MARCHF5: variants seen among roughly 807,000 people sequenced by gnomAD.
MARCHF5 encodes membrane associated ring-CH-type finger 5.
MARCHF5 carries 5 observed loss-of-function variants against 36.5 expected under a neutral mutation model. The observed-to-expected ratio is 0.14, with a 90% CI of 0.07 to 0.29. The LOEUF is 0.29. Ranked by LOEUF, MARCHF5 falls within the 10% of genes least tolerant of loss-of-function variation. The pLI, the probability that MARCHF5 is intolerant of heterozygous loss-of-function variation, is 1.00. For missense variants in MARCHF5, 179 were observed against 336.3 expected (o/e 0.53, Z 3.66); for synonymous variants, 103 against 109.9 (o/e 0.94, Z 0.39).
Position 92,310,129 on chromosome 10 carries a change from A to G in MARCHF5, c.36-1006A>G, listed in dbSNP as rs569800494. On this transcript the variant is annotated intron_variant, in intron 1 of 5. Transcript: ENST00000358935. ...GGACTGGAGAACCTCACCCATCTATAATACCTGAGTATATAGTCTTTCCCA... is the reference window on the plus strand; with the variant it reads ...GGACTGGAGAACCTCACCCATCTATGATACCTGAGTATATAGTCTTTCCCA... Among the ~76,000 whole-genome samples the G allele has an allele frequency of 2.6e-5, 4 of 152,298 alleles. No individual in the cohort carries two copies. In the South Asian group the frequency reaches 8.3e-4, roughly 32 times the overall value.
At chr10:92,332,326 G>A (rs1165465074) in intron 2 of MARCHF5, among the ~76,000 whole-genome samples, 3 of 151,984 alleles carry the variant, frequency 2.0e-5, no homozygotes, top group African/African-American at 7.2e-5. Flanking sequence ...TAAGTTTGCA[G>A]GATGTTTGTT....
Position 92,291,177 on chromosome 10 carries a change from G to A in MARCHF5, c.-318G>A. On this transcript the variant is annotated 5_prime_UTR_variant, in exon 1 of 6. Transcript: ENST00000358935. Reference sequence around the variant, plus strand: ...GAGGCGGCGACTCTTACCTCACAAAGGTAGCTCCTCCGCCGGCAGCAACTC... The same window carrying A: ...GAGGCGGCGACTCTTACCTCACAAAAGTAGCTCCTCCGCCGGCAGCAACTC... 1 of 480,200 alleles carries A rather than the reference G, an allele frequency of 2.1e-6. No homozygotes were observed. Among genetic ancestry groups the A allele is most frequent in the South Asian group, 2.5e-5 (1 of 40,794 alleles). 29.7% of individuals were successfully genotyped at this position (480,200 alleles called of 1,614,324 possible). A position where few individuals can be genotyped will look rare whatever the true frequency, so the allele number is the denominator to read the frequency against.
At chr10:92,347,360 C>G (rs1260693527) in intron 3 of MARCHF5, among the ~76,000 whole-genome samples, 13 of 152,058 alleles carry the variant, frequency 8.5e-5, no homozygotes, top group Admixed American at 8.5e-4. Context: ...TGCCATGTGC[C>G]TGTAATCCCA....
intron 3 of MARCHF5, 143 bp from the exon 4 acceptor site, chr10:92,349,206 A>G: frequency 1.6e-6 from 1 of 638,776 alleles, no homozygotes; most frequent in Non-Finnish European, 2.6e-6. Flanking sequence ...ATCAGGACTG[A>G]TAGCTTTCCA....
intron 2 of MARCHF5, among the ~76,000 whole-genome samples, chr10:92,329,073 A>G (rs975908267): frequency 6.6e-6 from 1 of 152,164 alleles, no homozygotes; most frequent in Admixed American, 6.5e-5. Context: ...TGTCACTCTA[A>G]TGTTTTCATT....
At chr10:92,327,093 A>G (rs1375462056) in intron 2 of MARCHF5, among the ~76,000 whole-genome samples, 1 of 152,112 alleles carries the variant, frequency 6.6e-6, no homozygotes, top group African/African-American at 2.4e-5. Context: ...AGGAACATCA[A>G]GGGAGAGGGA....
chr10:92,299,616 C>T (rs1842989268), intron 1 of MARCHF5, among the ~76,000 whole-genome samples: 1 of 152,104 alleles, frequency 6.6e-6, no homozygotes, highest in East Asian at 1.9e-4. Flanking sequence ...TATAGTGTAT[C>T]ACATTGTACT....
chr10:92,345,480 G>C (rs1293243600), intron 3 of MARCHF5, among the ~76,000 whole-genome samples: 1 of 152,098 alleles, frequency 6.6e-6, no homozygotes, highest in Non-Finnish European at 1.5e-5. Context: ...CTGGGCGACA[G>C]AGCAAGACTC....
At chr10:92,296,019 G>A (rs1041680931) in intron 1 of MARCHF5, among the ~76,000 whole-genome samples, 23 of 152,084 alleles carry the variant, frequency 1.5e-4, no homozygotes, top group African/African-American at 5.5e-4. Flanking sequence ...GGGATTACAG[G>A]CATGTGCCAC....
chr10:92,291,272 C>A lies in MARCHF5; in HGVS notation c.-223C>A. The A allele has an allele frequency of 1.8e-6, 1 of 541,966 alleles. No individual in the cohort carries two copies. The highest frequency in any genetic ancestry group is 3.2e-6 in the Non-Finnish European group (1 of 312,176). The allele number at this position is 541,966 out of a possible 1,614,324, so 33.6% of individuals were successfully genotyped here. A position where few individuals can be genotyped will look rare whatever the true frequency, so the allele number is the denominator to read the frequency against. On this transcript the variant is annotated 5_prime_UTR_variant, in exon 1 of 6. Transcript: ENST00000358935. ...AACCCGGGCCGCGATCGCCGCCTCC[C>A]CGCCTCAGGCTCCTCCTCCTCGCTC... is the stretch of plus-strand genomic sequence containing the variant.
chr10:92,305,553 T>C (rs1340848867), intron 1 of MARCHF5, among the ~76,000 whole-genome samples: 1 of 152,206 alleles, frequency 6.6e-6, no homozygotes, highest in African/African-American at 2.4e-5. Context: ...TTTCTGATTC[T>C]GTAGGTCTGG....
chr10:92,341,780 C>CT (rs71025395), intron 3 of MARCHF5, among the ~76,000 whole-genome samples: 3,525 of 77,446 alleles, frequency 0.046, 54 homozygotes, highest in African/African-American at 0.052. Flanking sequence ...AGTTTACATC[C>CT]TTTTTTTTTT....
In MARCHF5 at chr10:92,351,365, C is replaced by T. The variant is rs908159517; in HGVS notation, c.*158C>T. 5 of 491,000 alleles carry T rather than the reference C, an allele frequency of 1.0e-5. No individual in the cohort carries two copies. Among genetic ancestry groups the T allele is most frequent in the East Asian group, 3.4e-5 (1 of 29,702 alleles). The allele number at this position is 491,000 out of a possible 1,614,324, so 30.4% of individuals were successfully genotyped here. On this transcript the variant is annotated 3_prime_UTR_variant, in exon 6 of 6. Coordinates refer to ENST00000358935, the MANE Select transcript of MARCHF5 (RefSeq NM_017824.5). ...GCACTTAGGGCAGGGGAAATCATCT[C>T]GGTAATCATGGAACCTAAGGATGTG... is the stretch of plus-strand genomic sequence containing the variant.
At chr10:92,325,559 G>A (rs756527284) in intron 2 of MARCHF5, among the ~76,000 whole-genome samples, 1 of 152,002 alleles carries the variant, frequency 6.6e-6, no homozygotes, top group Non-Finnish European at 1.5e-5. Context: ...GTTTCTAATA[G>A]CAATTTTGTC....
chr10:92,331,379 C>T (rs1830577295), intron 2 of MARCHF5, among the ~76,000 whole-genome samples: 1 of 151,762 alleles, frequency 6.6e-6, no homozygotes, highest in African/African-American at 2.4e-5. Context: ...TTTAAAAAAA[C>T]AAACAAAACA....
At chr10:92,307,214 CGCGT>C (rs1554946711) in intron 1 of MARCHF5, among the ~76,000 whole-genome samples, 1 of 82,310 alleles carries the variant, frequency 1.2e-5, no homozygotes, top group East Asian at 3.0e-4. Flanking sequence ...TGTGTGTGTG[CGCGT>C]GCATGCACGC....
At chr10:92,299,121 C>CT (rs1353549847) in intron 1 of MARCHF5, among the ~76,000 whole-genome samples, 2 of 152,134 alleles carry the variant, frequency 1.3e-5, no homozygotes, top group African/African-American at 4.8e-5. Context: ...CTTGCCCGGC[C>CT]TATTTACATT....
rs1284831999 is a variant in MARCHF5 at position 92,291,378 on chromosome 10, G to T, written c.-117G>T. On this transcript the variant is annotated 5_prime_UTR_variant, in exon 1 of 6. Coordinates refer to ENST00000358935, the MANE Select transcript of MARCHF5 (RefSeq NM_017824.5). ...GAGCTGCCCCGGGAAGCTGGGTGAC[G>T]GGTTCGCGGCTGCCGCCGGACTGCG... 8 of 928,716 alleles carry T rather than the reference G, an allele frequency of 8.6e-6. No individual in the cohort carries two copies. The highest frequency in any genetic ancestry group is 1.0e-5 in the Non-Finnish European group (6 of 591,740). The allele number at this position is 928,716 out of a possible 1,614,324, so 57.5% of individuals were successfully genotyped here. A position where few individuals can be genotyped will look rare whatever the true frequency, so the allele number is the denominator to read the frequency against.
At chr10:92,328,187 C>G (rs376734431) in intron 2 of MARCHF5, among the ~76,000 whole-genome samples, 11 of 150,906 alleles carry the variant, frequency 7.3e-5, no homozygotes, top group African/African-American at 2.7e-4. Flanking sequence ...GGAGACATGA[C>G]TAAATGTAAT....
Sources: gnomAD v4.1 joint callset for allele counts (sites outside exome capture counted in the v4.1 genomes callset) on GRCh38, gnomAD v4.1.1 for gene constraint, MANE v1.5 for transcripts, NCBI Gene and HGNC (gene_info 2026-07-23, HGNC 2026-07-21) for gene names.